Variants in TNIK observed in about 807,000 individuals in gnomAD.
The protein encoded by TNIK is TRAF2 and NCK-interacting protein kinase.
A neutral mutation model predicts 191.3 loss-of-function variants in TNIK; 49 were observed. The ratio of observed to expected loss-of-function variants is 0.26; its 90% confidence interval spans 0.20 to 0.32. The LOEUF (loss-of-function observed/expected upper bound fraction) is 0.32, where lower values mean the gene tolerates loss of function less well. TNIK is among the 10% of genes least tolerant of loss of function. TNIK has a pLI of 1.00. For synonymous variants in TNIK, 594 were observed against 600.9 expected, an observed-to-expected ratio of 0.99 and a Z score of 0.17; for missense variants, 1,155 against 1,702.3, an observed-to-expected ratio of 0.68 and a Z score of 5.66.
chr3:171,181,673 G>A (rs1736663825), intron 7 of TNIK, among the ~76,000 whole-genome samples: 1 of 152,168 alleles, frequency 6.6e-6, no homozygotes, highest in Non-Finnish European at 1.5e-5. Flanking sequence ...ATAAAAATAT[G>A]ATATCTGGAG....
intron 1 of TNIK, among the ~76,000 whole-genome samples, chr3:171,391,385 TG>T (rs1719491013): frequency 6.6e-6 from 1 of 152,194 alleles, no homozygotes; most frequent in Non-Finnish European, 1.5e-5. Flanking sequence ...CTACTCCCCT[TG>T]TATCTGCCTA....
chr3:171,108,537 T>A (rs867050106), intron 19 of TNIK, among the ~76,000 whole-genome samples: 7 of 152,312 alleles, frequency 4.6e-5, no homozygotes, highest in Middle Eastern at 6.8e-3. Flanking sequence ...TTTACAAAGA[T>A]GACACAACTG....
intron 22 of TNIK, among the ~76,000 whole-genome samples, chr3:171,098,203 A>T (rs1722993448): frequency 6.6e-6 from 1 of 152,196 alleles, no homozygotes; most frequent in African/African-American, 2.4e-5. Context: ...TTGAGGGAAG[A>T]CACTAATACC....
chr3:171,258,333 T>A (rs1747147366), intron 2 of TNIK, among the ~76,000 whole-genome samples: 1 of 152,156 alleles, frequency 6.6e-6, no homozygotes, highest in Non-Finnish European at 1.5e-5. Context: ...TAAGAAATCT[T>A]TAAAGAGCTA....
Position 171,373,675 on chromosome 3 carries a change from C to T in TNIK, c.58-3990G>A, listed in dbSNP as rs752686788. ...GTCATGTCATTCTTAGGCCTGGCCT[C>T]GATTCCCAGCCTTGTGTTCCATCAT... is the stretch of plus-strand genomic sequence containing the variant. On this transcript the variant is annotated intron_variant, in intron 1 of 32. Transcript: ENST00000436636. Among the ~76,000 whole-genome samples, 9 of 152,310 alleles carry T rather than the reference C, an allele frequency of 5.9e-5. No individual in the cohort carries two copies. In the East Asian group the frequency reaches 7.7e-4, roughly 13 times the overall value.
chr3:171,225,402 A>T (rs530522438), intron 3 of TNIK: 2 of 317,018 alleles, frequency 6.3e-6, no homozygotes, highest in Admixed American at 9.1e-5. Flanking sequence ...ATCATCAATG[A>T]CATGACTGAA....
chr3:171,457,447 T>G (rs1728910672), intron 1 of TNIK, among the ~76,000 whole-genome samples: 1 of 151,984 alleles, frequency 6.6e-6, no homozygotes, highest in African/African-American at 2.4e-5. Context: ...CTGCAGCAAA[T>G]TCTCCCAGAA....
In TNIK at chr3:171,460,358, G is replaced by A. The variant is rs1578015893; in HGVS notation, c.-295C>T. 2 of 505,430 alleles carry A rather than the reference G, an allele frequency of 4.0e-6. No homozygotes were observed. The highest frequency in any genetic ancestry group is 2.2e-5 in the South Asian group (1 of 45,576). 31.3% of individuals were successfully genotyped at this position (505,430 alleles called of 1,614,324 possible). ...GGGCTGCGTGGGTGTATTTAAATGG[G>A]ACATGCTTCTTTGCTTGTGCGTGGA... is the stretch of plus-strand genomic sequence containing the variant. On this transcript the variant is annotated 5_prime_UTR_variant, in exon 1 of 33. Transcript: ENST00000436636. The surrounding 1 kb of genome is among the most constrained non-coding windows in gnomAD (Gnocchi z 6.8).
At chr3:171,264,327 A>G (rs1192978780) in intron 2 of TNIK, among the ~76,000 whole-genome samples, 1 of 148,376 alleles carries the variant, frequency 6.7e-6, no homozygotes, top group Non-Finnish European at 1.5e-5. Flanking sequence ...AATTGTATAC[A>G]CGTATAATAC....
chr3:171,154,802 C>T (rs1032217478), intron 12 of TNIK, among the ~76,000 whole-genome samples: 2 of 152,226 alleles, frequency 1.3e-5, no homozygotes, highest in African/African-American at 4.8e-5. Flanking sequence ...GTTCCTGGAA[C>T]TTTGTTATAG....
At chr3:171,345,201 A>G (rs942901836) in intron 2 of TNIK, among the ~76,000 whole-genome samples, 5 of 152,144 alleles carry the variant, frequency 3.3e-5, no homozygotes, top group Non-Finnish European at 7.3e-5. Flanking sequence ...TACCTCACTC[A>G]TCAACTTGTC....
intron 3 of TNIK, among the ~76,000 whole-genome samples, chr3:171,223,495 A>C (rs906531257): frequency 6.6e-6 from 1 of 152,194 alleles, no homozygotes; most frequent in Non-Finnish European, 1.5e-5. Flanking sequence ...TAAACACTAC[A>C]TGAATTGAAG....
intron 2 of TNIK, among the ~76,000 whole-genome samples, chr3:171,247,836 G>C (rs1745774563): frequency 6.6e-6 from 1 of 152,170 alleles, no homozygotes; most frequent in Admixed American, 6.5e-5. Flanking sequence ...GAAGCCCCTG[G>C]GACCTTACAC....
At chr3:171,346,202 GA>G (rs1712156903) in intron 2 of TNIK, among the ~76,000 whole-genome samples, 1 of 152,104 alleles carries the variant, frequency 6.6e-6, no homozygotes, top group South Asian at 2.1e-4. Context: ...TGGCGTGGTT[GA>G]TCATTAATTA....
intron 1 of TNIK, among the ~76,000 whole-genome samples, chr3:171,378,536 C>A (rs1410601996): frequency 6.6e-6 from 1 of 152,164 alleles, no homozygotes; most frequent in Non-Finnish European, 1.5e-5. Context: ...AGAATAATTT[C>A]TTTACTCCAA....
intron 2 of TNIK, among the ~76,000 whole-genome samples, chr3:171,254,880 T>C (rs1433503207): frequency 6.6e-6 from 1 of 152,222 alleles, no homozygotes; most frequent in Admixed American, 6.5e-5. Context: ...TTTTTCACAG[T>C]TTTTGAATAA....
chr3:171,078,995 C>T (rs1455177295), intron 28 of TNIK, among the ~76,000 whole-genome samples: 5 of 152,174 alleles, frequency 3.3e-5, no homozygotes, highest in Admixed American at 2.6e-4. Context: ...ACTTGCTGCT[C>T]ATGAATTTTC....
intron 12 of TNIK, among the ~76,000 whole-genome samples, chr3:171,144,916 A>G (rs958689504): frequency 1.3e-5 from 2 of 152,140 alleles, no homozygotes; most frequent in African/African-American, 4.8e-5. Context: ...AGGTTCATCT[A>G]CGTTGCTGCA....
In TNIK at chr3:171,087,330, C is replaced by G; in HGVS notation, c.2886+12G>C. The stretch of plus-strand genomic sequence containing the variant: ...AGCAGAACTGTCATGTCAGCTGTTG[C>G]CCAGCACCTACTTCAGTCCCAGAGT... On this transcript the variant is annotated intron_variant, in intron 24 of 32. Coordinates refer to ENST00000436636, the MANE Select transcript of TNIK (RefSeq NM_015028.4). 1 of 1,613,566 alleles carries G rather than the reference C, an allele frequency of 6.2e-7. No homozygotes were observed. The highest frequency in any genetic ancestry group is 8.5e-7 in the Non-Finnish European group (1 of 1,179,752).
Sources: allele counts gnomAD v4.1 joint callset (sites outside exome capture counted in the v4.1 genomes callset), GRCh38; gene constraint gnomAD v4.1.1; non-coding constraint Gnocchi (gnomAD v3.1); transcripts MANE v1.5; gene names NCBI Gene and HGNC (gene_info 2026-07-23, HGNC 2026-07-21).